Variants in PLCB4 observed in about 807,000 individuals in gnomAD.
The protein encoded by PLCB4 is 1-phosphatidylinositol 4,5-bisphosphate phosphodiesterase beta-4.
Under a neutral mutation model 178.8 loss-of-function variants are expected in PLCB4, and 77 were observed. The observed-to-expected ratio is 0.43, with a 90% CI of 0.36 to 0.52. The LOEUF (loss-of-function observed/expected upper bound fraction) is 0.52, where lower values mean the gene tolerates loss of function less well. PLCB4 is among the 20% of genes least tolerant of loss of function. The pLI, the probability that PLCB4 is intolerant of heterozygous loss-of-function variation, is 0.00. For missense variants in PLCB4, 1,024 were observed against 1,453.4 expected (o/e 0.70, Z 4.80); for synonymous variants, 496 against 490.8 (o/e 1.01, Z -0.14).
intron 12 of PLCB4, among the ~76,000 whole-genome samples, chr20:9,374,971 A>C (rs1235148314): frequency 6.6e-6 from 1 of 152,100 alleles, no homozygotes; most frequent in African/African-American, 2.4e-5. Flanking sequence ...TCTTAACATT[A>C]AGGAAGTACC....
At chr20:9,158,316 A>T (rs1163461123) in intron 2 of PLCB4, among the ~76,000 whole-genome samples, 1 of 151,330 alleles carries the variant, frequency 6.6e-6, no homozygotes, top group African/African-American at 2.4e-5. Context: ...CCCAAGCTGT[A>T]GTGTGGTGAC....
At chr20:9,080,750 A>G (rs2090103604) in intron 1 of PLCB4, among the ~76,000 whole-genome samples, 1 of 152,156 alleles carries the variant, frequency 6.6e-6, no homozygotes, top group Non-Finnish European at 1.5e-5. Flanking sequence ...AGACTCCCCT[A>G]TCACTGACCT....
chr20:9,204,912 A>C (rs920494570), intron 2 of PLCB4, among the ~76,000 whole-genome samples: 1 of 152,064 alleles, frequency 6.6e-6, no homozygotes, highest in Non-Finnish European at 1.5e-5. Flanking sequence ...GAAAAAAAAA[A>C]CCCGAATTTA....
chr20:9,389,653 T>A (rs1030169249), intron 15 of PLCB4, among the ~76,000 whole-genome samples: 4 of 152,218 alleles, frequency 2.6e-5, no homozygotes, highest in Non-Finnish European at 4.4e-5. Flanking sequence ...ACCATAATTC[T>A]GGAGAAGTAA....
At chr20:9,203,051 A>AT in intron 2 of PLCB4, among the ~76,000 whole-genome samples, 23 of 132,034 alleles carry the variant, frequency 1.7e-4, no homozygotes, top group African/African-American at 7.0e-4. Context: ...AAAAAAAAAA[A>AT]AAAAAATATA....
chr20:9,295,020 C>A (rs2094617950), intron 3 of PLCB4, among the ~76,000 whole-genome samples: 1 of 152,152 alleles, frequency 6.6e-6, no homozygotes, highest in African/African-American at 2.4e-5. Context: ...TTCTCATAGT[C>A]CCCACTCTGG....
At chr20:9,468,081 T>G (rs546110850) in intron 35 of PLCB4, among the ~76,000 whole-genome samples, 4 of 152,104 alleles carry the variant, frequency 2.6e-5, no homozygotes, top group African/African-American at 7.2e-5. Context: ...ATTTTCTCTC[T>G]CTCTTCCAGC....
intron 28 of PLCB4, among the ~76,000 whole-genome samples, chr20:9,431,740 C>A (rs1439418040): frequency 5.3e-5 from 8 of 151,210 alleles, no homozygotes; most frequent in Non-Finnish European, 1.0e-4. Context: ...AAATTCTTGA[C>A]CTCAAATGAT....
intron 18 of PLCB4, 42 bp from the exon 19 acceptor site, chr20:9,395,481 C>G (rs780093197): frequency 4.4e-6 from 6 of 1,351,942 alleles, no homozygotes; most frequent in Non-Finnish European, 6.4e-6. Context: ...TTGTATGTTA[C>G]CTAGCATCTG....
At chr20:9,455,890 C>T (rs2043025926) in intron 33 of PLCB4, among the ~76,000 whole-genome samples, 1 of 152,196 alleles carries the variant, frequency 6.6e-6, no homozygotes, top group Admixed American at 6.5e-5. Context: ...GGCTGAAGTG[C>T]AGTAGCACAA....
chr20:9,103,411 A>G (rs898971049), intron 2 of PLCB4, among the ~76,000 whole-genome samples: 2 of 152,196 alleles, frequency 1.3e-5, no homozygotes, highest in Non-Finnish European at 2.9e-5. Context: ...TTTTCCAAAC[A>G]ATATATGTTT....
intron 2 of PLCB4, among the ~76,000 whole-genome samples, chr20:9,150,569 C>A (rs2092674831): frequency 6.6e-6 from 1 of 152,088 alleles, no homozygotes. Context: ...TTTTTGAATA[C>A]TTACTATGTA....
chr20:9,162,901 G>A (rs902841447), intron 2 of PLCB4, among the ~76,000 whole-genome samples: 4 of 152,104 alleles, frequency 2.6e-5, no homozygotes, highest in Non-Finnish European at 4.4e-5. Context: ...AGACCTTTCC[G>A]GGGGTATGCT....
chr20:9,097,282 A>T (rs1014635169), intron 2 of PLCB4, among the ~76,000 whole-genome samples: 1 of 139,568 alleles, frequency 7.2e-6, no homozygotes, highest in African/African-American at 2.7e-5. Flanking sequence ...TTTATTCTGA[A>T]ATATGGACTG....
chr20:9,357,658 G>C (rs1218434004), intron 7 of PLCB4, among the ~76,000 whole-genome samples: 1 of 152,158 alleles, frequency 6.6e-6, no homozygotes, highest in African/African-American at 2.4e-5. Context: ...TTTTAAAAAG[G>C]TACCAGATAG....
Position 9,408,523 on chromosome 20 carries a change from T to A in PLCB4, c.1790-110T>A, listed in dbSNP as rs145146526. ...AGCTACTGACATGATAATGTAGCATTAGCCTCCAAGGCCTCATGATTCAGG... is the reference window on the plus strand; with the variant it reads ...AGCTACTGACATGATAATGTAGCATAAGCCTCCAAGGCCTCATGATTCAGG... On this transcript the variant is annotated intron_variant, in intron 22 of 39. Transcript: ENST00000378473. 2.0e-3 allele frequency: 1,057 copies of A among 533,260 alleles called. 10 individuals carry two copies. The African/African-American group carries it at 0.027, about 14-fold the overall frequency. 33.0% of individuals were successfully genotyped at this position (533,260 alleles called of 1,614,324 possible). A position where few individuals can be genotyped will look rare whatever the true frequency, so the allele number is the denominator to read the frequency against.
intron 20 of PLCB4, among the ~76,000 whole-genome samples, 161 bp downstream of exon 20, chr20:9,401,751 A>G (rs1410542974): frequency 6.6e-6 from 1 of 152,214 alleles, no homozygotes; most frequent in East Asian, 1.9e-4. Flanking sequence ...TGACACATAC[A>G]CAATATTAAA....
At chr20:9,119,337 G>GA (rs1370044655) in intron 2 of PLCB4, among the ~76,000 whole-genome samples, 7 of 152,116 alleles carry the variant, frequency 4.6e-5, no homozygotes, top group Non-Finnish European at 8.8e-5. Context: ...GTTCCCATAG[G>GA]AAAAAATCAT....
At chr20:9,358,829 G>A (rs1052116496) in intron 7 of PLCB4, among the ~76,000 whole-genome samples, 10 of 151,884 alleles carry the variant, frequency 6.6e-5, no homozygotes, top group African/African-American at 2.4e-4. Context: ...AACCTGGGAG[G>A]TAGAGGTTGC....
Sources: gnomAD v4.1 joint callset for allele counts (sites outside exome capture counted in the v4.1 genomes callset) on GRCh38, gnomAD v4.1.1 for gene constraint, MANE v1.5 for transcripts, NCBI Gene and HGNC (gene_info 2026-07-23, HGNC 2026-07-21) for gene names.